DNMBP: variants seen among roughly 807,000 people sequenced by gnomAD.
DNMBP encodes the protein dynamin-binding protein.
A neutral mutation model predicts 150.0 loss-of-function variants in DNMBP; 87 were observed. That is an observed-to-expected ratio of 0.58 (90% CI 0.49 to 0.69). The LOEUF (loss-of-function observed/expected upper bound fraction) is 0.69. DNMBP is among the 30% of genes least tolerant of loss of function. The pLI is 0.00. For missense variants in DNMBP, 1,774 were observed against 1,949.0 expected (o/e 0.91, Z 1.69); for synonymous variants, 711 against 750.4 (o/e 0.95, Z 0.86).
chr10:99,986,455 A>G (rs1166720085), intron 1 of DNMBP, among the ~76,000 whole-genome samples: 2 of 152,154 alleles, frequency 1.3e-5, no homozygotes, highest in Non-Finnish European at 2.9e-5. Context: ...GAAATGTGCC[A>G]AAATGATTCC....
At chr10:99,904,846 A>G (rs1158353441) in intron 6 of DNMBP, among the ~76,000 whole-genome samples, 9 of 152,116 alleles carry the variant, frequency 5.9e-5, no homozygotes, top group Admixed American at 2.0e-4. Flanking sequence ...TTCTCAGTTT[A>G]TTGTCATAAT....
At chr10:99,931,255 A>G (rs1364384528) in intron 4 of DNMBP, among the ~76,000 whole-genome samples, 1 of 152,102 alleles carries the variant, frequency 6.6e-6, no homozygotes, top group Non-Finnish European at 1.5e-5. Flanking sequence ...CTCAAGCTGC[A>G]CCTCCATTCC....
chr10:99,997,568 C>T (rs566927046), intron 1 of DNMBP, among the ~76,000 whole-genome samples: 22 of 152,032 alleles, frequency 1.4e-4, no homozygotes, highest in Non-Finnish European at 1.5e-5. Flanking sequence ...ATATCAGACA[C>T]CCTTAAAAAA....
In DNMBP at chr10:100,004,077, C is replaced by CAA. The variant is rs551141586; in HGVS notation, c.-11+5759_-11+5760dup. On this transcript the variant is annotated intron_variant, in intron 1 of 16. Coordinates refer to ENST00000324109, the MANE Select transcript of DNMBP (RefSeq NM_015221.4). ...GGCGTCCCTATCTCTAAAAAAATTA[C>CAA]AAAAAAAAAAAAGAAAAATTAGCCA... Among the ~76,000 whole-genome samples, 1,021 of 139,938 alleles carry CAA rather than the reference C, an allele frequency of 7.3e-3. 10 individuals carry two copies. Among genetic ancestry groups the CAA allele is most frequent in the African/African-American group, 0.025 (947 of 38,448 alleles). The allele number at this position is 139,938 out of a possible 152,430, so 91.8% of individuals were successfully genotyped here.
chr10:99,972,162 A>T, intron 1 of DNMBP, 28 bp from the exon 2 acceptor site: 2 of 1,585,074 alleles, frequency 1.3e-6, no homozygotes, highest in Non-Finnish European at 1.7e-6. Flanking sequence ...GAGAAATAGA[A>T]AACATCAATA....
intron 4 of DNMBP, among the ~76,000 whole-genome samples, 164 bp downstream of exon 4, chr10:99,955,050 C>CAA (rs11445505): frequency 4.4e-5 from 6 of 135,344 alleles, no homozygotes; most frequent in Non-Finnish European, 7.9e-5. Flanking sequence ...GAGACTGTCT[C>CAA]AAAAAAAAGG....
rs567413616 is a variant in DNMBP, at chr10:99,877,724, C to T, written c.4549-388G>A. On this transcript the variant is annotated intron_variant, in intron 16 of 16. Transcript: ENST00000324109. ...ACTAAAAATACAAAAATTAGCCGGG[C>T]GTGGTGGCACACACTTCTAATCCCA... Among the ~76,000 whole-genome samples, 16 of 152,184 alleles carry T rather than the reference C, an allele frequency of 1.1e-4. No homozygotes were observed. In the East Asian group the frequency reaches 1.4e-3, roughly 13 times the overall value.
intron 10 of DNMBP, among the ~76,000 whole-genome samples, chr10:99,895,296 T>A (rs950774264): frequency 2.6e-5 from 4 of 151,874 alleles, no homozygotes; most frequent in Admixed American, 1.3e-4. Context: ...CCAGCTCATT[T>A]TTGTATTACT....
chr10:99,932,501 G>A (rs7100380), intron 4 of DNMBP, among the ~76,000 whole-genome samples: 19 of 151,664 alleles, frequency 1.3e-4, no homozygotes, highest in African/African-American at 1.7e-4. Flanking sequence ...GACATGGCTC[G>A]TATGGAAACC....
At position 99,956,837 on chromosome 10, in the gene DNMBP, T is replaced by C. The variant is rs1304130223; in HGVS notation, c.637A>G (p.Ser213Gly). ...ATGCAGTCATCTTGATTTCCAGAAC[T>C]TACTGACTCATCCACAGTCCTCAGG... is the stretch of plus-strand genomic sequence containing the variant. Reference protein sequence around the residue: ...GPLRTVDESVSSGNQDDCIVN... With the variant: ...GPLRTVDESVGSGNQDDCIVN... Residue 213 changes from serine (S) to glycine (G), a missense_variant, in exon 4 of 17, where the codon AGT becomes GGT. This residue lies in a region of DNMBP where 344 missense variants were observed against 456.6 expected (regional missense o/e 0.75). Coordinates refer to ENST00000324109, the MANE Select transcript of DNMBP (RefSeq NM_015221.4). 2 of 1,613,982 alleles carry C rather than the reference T, an allele frequency of 1.2e-6. No homozygotes were observed. Among genetic ancestry groups the C allele is most frequent in the African/African-American group, 2.7e-5 (2 of 74,886 alleles).
At chr10:99,946,703 C>T (rs1292451289) in intron 4 of DNMBP, among the ~76,000 whole-genome samples, 1 of 151,974 alleles carries the variant, frequency 6.6e-6, no homozygotes, top group African/African-American at 2.4e-5. Context: ...GCTTAGGCAA[C>T]CTGCAACAAA....
At chr10:99,922,645 A>T (rs775643699) in intron 4 of DNMBP, among the ~76,000 whole-genome samples, 101 of 151,190 alleles carry the variant, frequency 6.7e-4, no homozygotes, top group Admixed American at 2.9e-3. Flanking sequence ...AGCCTCCTGA[A>T]CTGCTGGGAC....
At chr10:99,897,561 AT>A (rs2039673790) in intron 9 of DNMBP, among the ~76,000 whole-genome samples, 1 of 152,214 alleles carries the variant, frequency 6.6e-6, no homozygotes, top group Non-Finnish European at 1.5e-5. Context: ...AAAGGCTCTT[AT>A]TGCTATATAT....
rs545427343 is a variant in DNMBP, at chr10:99,987,934, T to C, written c.-10-15800A>G. Among the ~76,000 whole-genome samples the C allele has an allele frequency of 9.2e-5, 14 of 152,320 alleles. No individual in the cohort carries two copies. In the South Asian group the frequency reaches 2.9e-3, roughly 32 times the overall value. ...TGCATATGATCACAGGTCGATTAAT[T>C]AACTATGTCCTAGAGACTCCACAGA... On this transcript the variant is annotated intron_variant, in intron 1 of 16. Transcript: ENST00000324109.
chr10:99,907,771 C>T (rs1172272720), intron 6 of DNMBP, among the ~76,000 whole-genome samples: 2 of 152,188 alleles, frequency 1.3e-5, no homozygotes, highest in Non-Finnish European at 2.9e-5. Context: ...TGTGGAAAAA[C>T]ATTGTACTGT....
At chr10:99,897,930 A>G in intron 9 of DNMBP, 156 bp downstream of exon 9, 2 of 653,548 alleles carry the variant, frequency 3.1e-6, no homozygotes, top group Admixed American at 5.7e-5. Context: ...ATAATAATAA[A>G]ATATCATATT....
Position 99,898,305 on chromosome 10 carries a change from G to A in DNMBP, c.2721-20C>T, listed in dbSNP as rs749998958. 6.3e-7 allele frequency: 1 copy of A among 1,595,110 alleles called. No homozygotes were observed. The highest frequency in any genetic ancestry group is 8.6e-7 in the Non-Finnish European group (1 of 1,163,432). Reference sequence around the variant, plus strand: ...CATCCCCTGTAAGAGAAGGAAAAAAGACTTTAGTAAGCTATCAATAATATA... The same window carrying A: ...CATCCCCTGTAAGAGAAGGAAAAAAAACTTTAGTAAGCTATCAATAATATA... On this transcript the variant is annotated intron_variant, in intron 8 of 16. Coordinates refer to ENST00000324109, the MANE Select transcript of DNMBP (RefSeq NM_015221.4).
At chr10:99,923,326 C>T (rs747783437) in intron 4 of DNMBP, among the ~76,000 whole-genome samples, 15 of 152,138 alleles carry the variant, frequency 9.9e-5, no homozygotes, top group Non-Finnish European at 1.9e-4. Context: ...TCGGAGGCTG[C>T]AGTGCGCTGA....
intron 4 of DNMBP, chr10:99,914,167 C>T: frequency 3.2e-6 from 4 of 1,265,240 alleles, no homozygotes; most frequent in Non-Finnish European, 4.0e-6. Context: ...AGCTGGAACC[C>T]TAAGCGTACT....
Sources: gnomAD v4.1 joint callset for allele counts (sites outside exome capture counted in the v4.1 genomes callset) on GRCh38, gnomAD v4.1.1 for gene constraint, gnomAD v4.1.1 regional missense constraint, MANE v1.5 for transcripts, NCBI Gene and HGNC (gene_info 2026-07-23, HGNC 2026-07-21) for gene names.